The following BRSK2 variants were observed in gnomAD, a reference collection of about 807,000 sequenced individuals.
BRSK2 encodes the protein BR serine/threonine kinase 2, also known as serine/threonine-protein kinase BRSK2.
BRSK2 carries 19 observed loss-of-function variants against 83.3 expected under a neutral mutation model. The observed-to-expected ratio is 0.23, with a 90% confidence interval of 0.16 to 0.33. The LOEUF (loss-of-function observed/expected upper bound fraction) is 0.33, where lower values mean the gene tolerates loss of function less well. Ranked by LOEUF, BRSK2 falls within the 10% of genes least tolerant of loss-of-function variation. The pLI is 1.00. For missense variants in BRSK2, 798 were observed against 1,042.3 expected (o/e 0.77, Z 3.23); for synonymous variants, 519 against 435.4 (o/e 1.19, Z -2.39).
intron 1 of BRSK2, chr11:1,410,438 C>T (rs1186871315): frequency 4.1e-6 from 4 of 985,184 alleles, no homozygotes; most frequent in Admixed American, 1.2e-4. Context: ...GTTGCAGAGT[C>T]CGTGTTTGGG....
intron 15 of BRSK2, among the ~76,000 whole-genome samples, chr11:1,452,051 G>C (rs1845874275): frequency 6.6e-6 from 1 of 152,198 alleles, no homozygotes; most frequent in Non-Finnish European, 1.5e-5. Flanking sequence ...GCGACTGGCG[G>C]TGTACACATA....
At chr11:1,449,915 G>T in intron 13 of BRSK2, 79 bp downstream of exon 13, 1 of 1,132,984 alleles carries the variant, frequency 8.8e-7, no homozygotes, top group Non-Finnish European at 1.3e-6. Flanking sequence ...CAGGGTGGGG[G>T]CAGCCTCGCG....
rs943741416 is a variant in BRSK2, at chr11:1,423,136, A to G, written c.92-12904A>G. On this transcript the variant is annotated intron_variant, in intron 1 of 19. Transcript: ENST00000528841. The surrounding 1 kb of genome is among the most constrained non-coding windows in gnomAD (Gnocchi z 6.5). ...GGACCTCCCCAAGAGCTGTGCCTCCATGTACCTCAGGGCCTCCCCCAGAGC... is the reference window on the plus strand; with the variant it reads ...GGACCTCCCCAAGAGCTGTGCCTCCGTGTACCTCAGGGCCTCCCCCAGAGC... 2.0e-5 allele frequency among the ~76,000 whole-genome samples: 3 copies of G among 152,148 alleles called. No individual in the cohort carries two copies. The highest frequency in any genetic ancestry group is 4.8e-5 in the African/African-American group (2 of 41,422).
At chr11:1,394,726 T>C (rs1418280785) in intron 1 of BRSK2, among the ~76,000 whole-genome samples, 1 of 95,040 alleles carries the variant, frequency 1.1e-5, no homozygotes, top group African/African-American at 4.3e-5. Flanking sequence ...AGATGGGCCA[T>C]GGAGATGGGT....
chr11:1,442,897 G>T (rs548098092), intron 5 of BRSK2, among the ~76,000 whole-genome samples: 1 of 152,068 alleles, frequency 6.6e-6, no homozygotes, highest in Non-Finnish European at 1.5e-5. Context: ...CTGCCCAGCC[G>T]AGTGGGCAGA....
At chr11:1,400,358 C>T (rs1048160558) in intron 1 of BRSK2, among the ~76,000 whole-genome samples, 2 of 152,216 alleles carry the variant, frequency 1.3e-5, no homozygotes, top group South Asian at 2.1e-4. Flanking sequence ...GTGATGCTGA[C>T]GCTGGTTGGG....
At chr11:1,403,408 G>A (rs1042779207) in intron 1 of BRSK2, among the ~76,000 whole-genome samples, 10 of 152,098 alleles carry the variant, frequency 6.6e-5, no homozygotes, top group African/African-American at 2.4e-4. Context: ...GCCCCTGCTG[G>A]TGCTGGGGTT....
rs374984666 is a variant in BRSK2, at chr11:1,443,648, G to A, written c.780+13G>A. On this transcript the variant is annotated intron_variant, in intron 8 of 19. Transcript: ENST00000528841. ...ACGCCGCCTCACGGTGCGTGCCCTC[G>A]GAGCGGGGCGGCCCCAGAGCGTGGC... The A allele has an allele frequency of 8.9e-6, 14 of 1,574,078 alleles. No individual in the cohort carries two copies. Among genetic ancestry groups the A allele is most frequent in the Admixed American group, 3.5e-5 (2 of 57,744 alleles).
rs907672720 is a variant in BRSK2, at chr11:1,450,534, G to A, written c.1288-53G>A. ...CCGCCTGCCCTGCGGGTGCCCCCCC[G>A]GCCCCCACCCGCCGGGATTGAACCA... is the stretch of plus-strand genomic sequence containing the variant. On this transcript the variant is annotated intron_variant, in intron 13 of 19. Transcript: ENST00000528841. 62 of 916,258 alleles carry A rather than the reference G, an allele frequency of 6.8e-5. 2 individuals are homozygous for A. The highest frequency in any genetic ancestry group is 2.7e-4 in the East Asian group (9 of 33,426). The allele number at this position is 916,258 out of a possible 1,614,324, so 56.8% of individuals were successfully genotyped here.
chr11:1,405,347 T>C (rs1022133979), intron 1 of BRSK2, among the ~76,000 whole-genome samples: 1 of 152,102 alleles, frequency 6.6e-6, no homozygotes, highest in African/African-American at 2.4e-5. Flanking sequence ...TGTCTGCATA[T>C]GCAGGTGTGT....
chr11:1,406,141 T>C (rs895228607), intron 1 of BRSK2, among the ~76,000 whole-genome samples: 10 of 152,030 alleles, frequency 6.6e-5, no homozygotes, highest in Non-Finnish European at 1.3e-4. Flanking sequence ...TGCCTGGCCT[T>C]CCTCTCCCTG....
Position 1,456,620 on chromosome 11 carries a change from G to T in BRSK2, c.1872G>T (p.Arg624Ser). The stretch of plus-strand genomic sequence containing the variant: ...TAGGCCCCAGCCGTCGCTTCAAGAG[G>T]GTGGTGGAGACCATCCAGGCCCAGC... ...LLSGPSRRFK[R>S]VVETIQAQLL... Residue 624 changes from arginine (R) to serine (S), a missense_variant, in exon 18 of 20, where the codon AGG becomes AGT. Physicochemically the swap from Arg to Ser is moderately radical, Grantham distance 110 (BLOSUM62 -1). Transcript: ENST00000528841. The T allele has an allele frequency of 6.2e-7, 1 of 1,611,244 alleles. No individual in the cohort carries two copies. Among genetic ancestry groups the T allele is most frequent in the Non-Finnish European group, 8.5e-7 (1 of 1,179,446 alleles).
intron 1 of BRSK2, among the ~76,000 whole-genome samples, chr11:1,408,032 G>A (rs1338765655): frequency 1.3e-5 from 2 of 152,230 alleles, no homozygotes; most frequent in Non-Finnish European, 2.9e-5. Flanking sequence ...CTGGTGGAGG[G>A]GTTCCTGGTC....
chr11:1,411,196 C>G, intron 1 of BRSK2: 2 of 1,237,016 alleles, frequency 1.6e-6, no homozygotes, highest in Non-Finnish European at 2.0e-6. Context: ...CTGAGCCAGC[C>G]TTGCTGAGGG....
rs76833658 is a variant in BRSK2 at position 1,440,776 on chromosome 11, C to T, written c.273-12C>T. On this transcript the variant is annotated splice_polypyrimidine_tract_variant and intron_variant, in intron 3 of 19. Transcript: ENST00000528841. ...CCACAGCTGGGCGCACTGGTGGCCC[C>T]GTCTCCTGCAGGTACCTGGTGCTAG... 11 of 1,557,616 alleles carry T rather than the reference C, an allele frequency of 7.1e-6. No individual in the cohort carries two copies. The East Asian group carries it at 7.2e-5, about 10-fold the overall frequency.
Position 1,462,282 on chromosome 11 carries a change from G to T in BRSK2, c.*1559G>T, listed in dbSNP as rs1564902623. 1.3e-5 allele frequency: 2 copies of T among 152,236 alleles called. No homozygotes were observed. The highest frequency in any genetic ancestry group is 4.8e-5 in the African/African-American group (2 of 41,456). 9.4% of individuals were successfully genotyped at this position (152,236 alleles called of 1,614,324 possible). Reference sequence around the variant, plus strand: ...GCCCATGTGCCCAGCCCTCCCAGGCGGGCACAGCCCGGGTGCGGCGGCCGT... The same window carrying T: ...GCCCATGTGCCCAGCCCTCCCAGGCTGGCACAGCCCGGGTGCGGCGGCCGT... On this transcript the variant is annotated 3_prime_UTR_variant, in exon 20 of 20. Coordinates refer to ENST00000528841, the MANE Select transcript of BRSK2 (RefSeq NM_001256627.2).
rs1846249537 is a variant in BRSK2 at position 1,454,648 on chromosome 11, C to T, written c.1668+40C>T. On this transcript the variant is annotated intron_variant, in intron 16 of 19. Coordinates refer to ENST00000528841, the MANE Select transcript of BRSK2 (RefSeq NM_001256627.2). This position sits in a 1 kb window ranked among gnomAD's most constrained non-coding sequence, Gnocchi z 5.2. ...CGCTGGGGGAGGCGGGCAGCCCTCC[C>T]AACCCCACACGGCCCAGCCCCGAGA... 3.1e-6 allele frequency: 5 copies of T among 1,608,586 alleles called. No homozygotes were observed. The South Asian group carries it at 3.3e-5, about 11-fold the overall frequency.
intron 13 of BRSK2, 89 bp downstream of exon 13, chr11:1,449,925 G>A (rs950443892): frequency 8.6e-6 from 8 of 930,848 alleles, no homozygotes; most frequent in African/African-American, 6.6e-5. Flanking sequence ...GCAGCCTCGC[G>A]GACCCTGGGA....
At chr11:1,436,920 A>G (rs1012772266) in intron 2 of BRSK2, among the ~76,000 whole-genome samples, 2 of 147,772 alleles carry the variant, frequency 1.4e-5, no homozygotes, top group Admixed American at 6.7e-5. Flanking sequence ...GGACTGTGAC[A>G]TGTTGGGCAC....
Sources: gnomAD v4.1 joint callset for allele counts (sites outside exome capture counted in the v4.1 genomes callset) on GRCh38, gnomAD v4.1.1 for gene constraint, Gnocchi (gnomAD v3.1) non-coding constraint, MANE v1.5 for transcripts, NCBI Gene and HGNC (gene_info 2026-07-23, HGNC 2026-07-21) for gene names.